The following MMP21 variants were observed in gnomAD, a reference collection of about 807,000 sequenced individuals.
MMP21 encodes matrix metallopeptidase 21.
In MMP21, 40 loss-of-function variants were observed where a neutral mutation model predicts 47.8. The observed-to-expected ratio is 0.84, with a 90% CI of 0.65 to 1.09. The LOEUF (loss-of-function observed/expected upper bound fraction) is 1.09, where lower values mean the gene tolerates loss of function less well. Ranked by LOEUF, MMP21 falls within the 50% of genes least tolerant of loss-of-function variation. The pLI is 0.00. For missense variants in MMP21, 747 were observed against 775.3 expected (o/e 0.96, Z 0.43); for synonymous variants, 341 against 318.0 (o/e 1.07, Z -0.77).
In MMP21 at chr10:125,773,913, C is replaced by G; in HGVS notation, c.615G>C (p.Trp205Cys). ...GGAAGTCCAGCGGCGTCACCTCGCT[C>G]CACATCCTGAAGGCCAGCGCCACAA... ...RRIVALAFRM[W>C]SEVTPLDFRE... Residue 205 changes from tryptophan (W) to cysteine (C), a missense_variant, in exon 2 of 7, where the codon TGG becomes TGC. By Grantham distance (215) the Trp-to-Cys change is radical (BLOSUM62 -2). Coordinates refer to ENST00000368808, the MANE Select transcript of MMP21 (RefSeq NM_147191.1). This position sits in a 1 kb window ranked among gnomAD's most constrained non-coding sequence, Gnocchi z 4.8. 1 of 1,585,020 alleles carries G rather than the reference C, an allele frequency of 6.3e-7. No homozygotes were observed. The highest frequency in any genetic ancestry group is 8.5e-7 in the Non-Finnish European group (1 of 1,172,758).
In MMP21 at chr10:125,773,926, GC is replaced by G; in HGVS notation, c.601del (p.Ala201ProfsTer8). ...CGTCACCTCGCTCCACATCCTGAAG[GC>G]CAGCGCCACAATGCGCCGCTGGTCG... is the stretch of plus-strand genomic sequence containing the variant. ...VADQRRIVAL[A>X]FRMWSEVTPL... On this transcript the variant is annotated frameshift_variant, in exon 2 of 7. Transcript: ENST00000368808. LOFTEE classifies it high-confidence loss of function. The surrounding 1 kb of genome is among the most constrained non-coding windows in gnomAD (Gnocchi z 4.8). 2 of 1,584,338 alleles carry G rather than the reference GC, an allele frequency of 1.3e-6. No individual in the cohort carries two copies. The highest frequency in any genetic ancestry group is 8.5e-7 in the Non-Finnish European group (1 of 1,172,572).
Position 125,773,536 on chromosome 10 carries a change from G to A in MMP21, c.697+295C>T, listed in dbSNP as rs1850476640. ...ACCCCAGCTGCTGCTCCCTAGGGAA[G>A]CTGGAGGCACAGGCAGGGGGCCCGA... is the stretch of plus-strand genomic sequence containing the variant. On this transcript the variant is annotated intron_variant, in intron 2 of 6. Coordinates refer to ENST00000368808, the MANE Select transcript of MMP21 (RefSeq NM_147191.1). This position sits in a 1 kb window ranked among gnomAD's most constrained non-coding sequence, Gnocchi z 4.8. Among the ~76,000 whole-genome samples, 2 of 152,194 alleles carry A rather than the reference G, an allele frequency of 1.3e-5. No homozygotes were observed. Among genetic ancestry groups the A allele is most frequent in the Admixed American group, 1.3e-4 (2 of 15,288 alleles).
At chr10:125,775,608 T>G (rs1850507982) in intron 1 of MMP21, 52 bp downstream of exon 1, 3 of 1,525,424 alleles carry the variant, frequency 2.0e-6, no homozygotes, top group African/African-American at 1.4e-5. Flanking sequence ...CATGTGCCTG[T>G]GTGCACGTGC....
intron 6 of MMP21, among the ~76,000 whole-genome samples, 171 bp from the exon 7 acceptor site, chr10:125,767,132 G>GT: frequency 2.0e-5 from 3 of 151,068 alleles, no homozygotes; most frequent in Non-Finnish European, 2.9e-5. Context: ...GTGAGTACAC[G>GT]TTTTTTGTTT....
At position 125,770,601 on chromosome 10, in the gene MMP21, A is replaced by G; in HGVS notation, c.980-10T>C. ...GATCCCTCACAGGAGCCTTAAAAAA[A>G]CAAACAAAAAACAGCCACTTGTCAC... On this transcript the variant is annotated splice_polypyrimidine_tract_variant and intron_variant, in intron 4 of 6. Transcript: ENST00000368808. The G allele has an allele frequency of 1.2e-6, 2 of 1,611,008 alleles. No individual in the cohort carries two copies. Among genetic ancestry groups the G allele is most frequent in the Non-Finnish European group, 8.5e-7 (1 of 1,178,230 alleles).
intron 6 of MMP21, 98 bp from the exon 7 acceptor site, chr10:125,767,059 A>G (rs1850395031): frequency 3.1e-6 from 3 of 964,606 alleles, no homozygotes; most frequent in African/African-American, 1.7e-5. Flanking sequence ...CTTTGTACCA[A>G]ATTCTTTAGA....
At chr10:125,767,459 T>A (rs1850398414) in intron 6 of MMP21, 73 bp downstream of exon 6, 27 of 1,427,418 alleles carry the variant, frequency 1.9e-5, no homozygotes, top group Non-Finnish European at 1.9e-6. Flanking sequence ...CTTTTAAATA[T>A]GAACTTGGTC....
rs912256328 is a variant in MMP21 at position 125,774,247 on chromosome 10, C to G, written c.281G>C (p.Arg94Pro). 16 of 1,413,948 alleles carry G rather than the reference C, an allele frequency of 1.1e-5. No individual in the cohort carries two copies. The highest frequency in any genetic ancestry group is 2.8e-6 in the Non-Finnish European group (3 of 1,087,964). The allele number at this position is 1,413,948 out of a possible 1,614,324, so 87.6% of individuals were successfully genotyped here. ...ALAEAVRRFQRANALPASGEL... is the reference protein window; with the variant it reads ...ALAEAVRRFQPANALPASGEL... ...CCCGCTGGCCGGCAGCGCGTTCGCCCGCTGGAACCTGCGCACCGCCTCGGC... is the reference window on the plus strand; with the variant it reads ...CCCGCTGGCCGGCAGCGCGTTCGCCGGCTGGAACCTGCGCACCGCCTCGGC... Residue 94 changes from arginine (R) to proline (P), a missense_variant, in exon 2 of 7, where the codon CGG (arginine) becomes CCG (proline). Coordinates refer to ENST00000368808, the MANE Select transcript of MMP21 (RefSeq NM_147191.1).
At chr10:125,769,255 G>A (rs919265003) in intron 5 of MMP21, among the ~76,000 whole-genome samples, 2 of 152,168 alleles carry the variant, frequency 1.3e-5, no homozygotes, top group African/African-American at 2.4e-5. Context: ...GCCTTTCTTG[G>A]TGTGTTCCCC....
chr10:125,775,554 C>G, intron 1 of MMP21, 106 bp downstream of exon 1: 1 of 1,410,210 alleles, frequency 7.1e-7, no homozygotes, highest in Non-Finnish European at 9.4e-7. Context: ...CCTTCTCTGC[C>G]TCTGCACAGC....
chr10:125,775,605 C>G (rs993985263), intron 1 of MMP21, 55 bp downstream of exon 1: 3 of 1,519,386 alleles, frequency 2.0e-6, no homozygotes, highest in Non-Finnish European at 8.9e-7. Flanking sequence ...GCGCATGTGC[C>G]TGTGTGCACG....
At position 125,773,753 on chromosome 10, in the gene MMP21, G is replaced by A. The variant is rs893085828; in HGVS notation, c.697+78C>T. On this transcript the variant is annotated intron_variant, in intron 2 of 6. Transcript: ENST00000368808. The surrounding 1 kb of genome is among the most constrained non-coding windows in gnomAD (Gnocchi z 4.8). ...GAGGGCTTAGCCCCCCATTCTGCAG[G>A]TGGCCGAGGTGGGGGTAGGTGCGCC... 4.2e-6 allele frequency: 6 copies of A among 1,427,598 alleles called. No individual in the cohort carries two copies. The highest frequency in any genetic ancestry group is 5.5e-6 in the Non-Finnish European group (6 of 1,095,904). The allele number at this position is 1,427,598 out of a possible 1,614,324, so 88.4% of individuals were successfully genotyped here. A position where few individuals can be genotyped will look rare whatever the true frequency, so the allele number is the denominator to read the frequency against.
chr10:125,773,842 C>T lies in MMP21; in HGVS notation c.686G>A (p.Gly229Asp). The change falls in exon 2 of 7, where the codon GGC (glycine) becomes GAC (aspartate). Residue 229 changes from glycine (G) to aspartate (D), a missense_variant. Physicochemically the swap from Gly to Asp is moderately conservative, Grantham distance 94. Coordinates refer to ENST00000368808, the MANE Select transcript of MMP21 (RefSeq NM_147191.1). This position sits in a 1 kb window ranked among gnomAD's most constrained non-coding sequence, Gnocchi z 4.8. The stretch of plus-strand genomic sequence containing the variant: ...CGGGGTGCTCTTACCTCTCCCAAAG[C>T]CCAGCTTGATGTCGACCGCGGCCCC... ...APGAAVDIKLGFGRGRHLGCP... is the reference protein window; with the variant it reads ...APGAAVDIKLDFGRGRHLGCP... The T allele has an allele frequency of 2.6e-6, 4 of 1,554,464 alleles. No homozygotes were observed. The highest frequency in any genetic ancestry group is 3.5e-6 in the Non-Finnish European group (4 of 1,157,612).
chr10:125,769,663 G>T (rs547483435), intron 5 of MMP21, among the ~76,000 whole-genome samples: 41 of 152,194 alleles, frequency 2.7e-4, no homozygotes, highest in Admixed American at 5.9e-4. Flanking sequence ...ATTCCAGGTA[G>T]CAGTGATCAC....
Position 125,772,306 on chromosome 10 carries a change from C to A in MMP21, c.891G>T (p.Thr297=), listed in dbSNP as rs141490301. ...TGTAATTTGGTTGCATTATGGATCC[C>A]GTCCTGTAGGTGTGAGGCAAGCCCA... is the stretch of plus-strand genomic sequence containing the variant. The part of the protein sequence containing the change: ...HVLGLPHTYR[T]GSIMQPNYIP... Residue 297 remains threonine (T), a synonymous_variant, in exon 4 of 7, where the codon ACG becomes ACT. Coordinates refer to ENST00000368808, the MANE Select transcript of MMP21 (RefSeq NM_147191.1). This position sits in a 1 kb window ranked among gnomAD's most constrained non-coding sequence, Gnocchi z 5.6. 4 of 1,614,150 alleles carry A rather than the reference C, an allele frequency of 2.5e-6. No homozygotes were observed. The East Asian group carries it at 8.9e-5, about 36-fold the overall frequency.
rs1182776137 is a variant in MMP21, at chr10:125,774,126, C to G, written c.402G>C (p.Pro134=). ...PPPPSAPPSP[P]GPPPRARSRR... ...TGGAGCGGGCTCTGGGGGGCGGGCCCGGGGGCGAAGGCGGGGCGGAGGGGG... is the reference window on the plus strand; with the variant it reads ...TGGAGCGGGCTCTGGGGGGCGGGCCGGGGGGCGAAGGCGGGGCGGAGGGGG... Residue 134 remains proline (P), a synonymous_variant, in exon 2 of 7, where the codon CCG becomes CCC. Transcript: ENST00000368808. 4 of 1,299,640 alleles carry G rather than the reference C, an allele frequency of 3.1e-6. No homozygotes were observed. The African/African-American group carries it at 6.2e-5, about 20-fold the overall frequency. The allele number at this position is 1,299,640 out of a possible 1,614,324, so 80.5% of individuals were successfully genotyped here. A position where few individuals can be genotyped will look rare whatever the true frequency, so the allele number is the denominator to read the frequency against.
intron 5 of MMP21, among the ~76,000 whole-genome samples, chr10:125,768,617 C>T (rs1056995898): frequency 2.6e-5 from 4 of 152,172 alleles, no homozygotes; most frequent in Admixed American, 6.5e-5. Flanking sequence ...AACAGTGTGA[C>T]GTTCATCCAG....
chr10:125,767,624 T>A lies in MMP21; in HGVS notation c.1318A>T (p.Ile440Phe). ...GGGATGCCAGGAAATCCTTCTGAAATCAATTTGGGATAGCTTTTTCCTTGT... is the reference window on the plus strand; with the variant it reads ...GGGATGCCAGGAAATCCTTCTGAAAACAATTTGGGATAGCTTTTTCCTTGT... ...DEQGKSYPKL[I>F]SEGFPGIPSP... Residue 440 changes from isoleucine to phenylalanine, a missense_variant, in exon 6 of 7, where the codon ATT (isoleucine) becomes TTT (phenylalanine). Ile to Phe is a conservative substitution (Grantham distance 21). Transcript: ENST00000368808. The A allele has an allele frequency of 6.2e-7, 1 of 1,614,182 alleles. No homozygotes were observed. The highest frequency in any genetic ancestry group is 1.1e-5 in the South Asian group (1 of 91,084).
Position 125,774,328 on chromosome 10 carries a change from G to C in MMP21, c.200C>G (p.Ala67Gly). Residue 67 changes from alanine to glycine, a missense_variant, in exon 2 of 7, where the codon GCG (alanine) becomes GGG (glycine). By Grantham distance (60) the Ala-to-Gly change is moderately conservative. Transcript: ENST00000368808. ...CCCCTCGGGACTGGGCCCCCAGGCC[G>C]CCCACACCCCTGACCAGCCGTATCT... ...LSRYGWSGVW[A>G]AWGPSPEGPP... is the part of the protein sequence containing the mutation. 1 of 1,411,270 alleles carries C rather than the reference G, an allele frequency of 7.1e-7. No homozygotes were observed. The highest frequency in any genetic ancestry group is 1.5e-5 in the South Asian group (1 of 66,502). 87.4% of individuals were successfully genotyped at this position (1,411,270 alleles called of 1,614,324 possible).
Sources: allele counts gnomAD v4.1 joint callset (sites outside exome capture counted in the v4.1 genomes callset), GRCh38; gene constraint gnomAD v4.1.1; non-coding constraint Gnocchi (gnomAD v3.1); transcripts MANE v1.5; gene names NCBI Gene and HGNC (gene_info 2026-07-23, HGNC 2026-07-21).